SNED1: variants seen among roughly 807,000 people sequenced by gnomAD.
The protein encoded by SNED1 is sushi, nidogen and EGF like domains 1, also known as sushi, nidogen and EGF-like domain-containing protein 1.
A neutral mutation model predicts 166.7 loss-of-function variants in SNED1; 81 were observed. The ratio of observed to expected loss-of-function variants is 0.49; its 90% CI spans 0.41 to 0.58. SNED1 has a LOEUF of 0.58. SNED1 is among the 20% of genes least tolerant of loss of function. SNED1 has a pLI of 0.00. For missense variants in SNED1, 1,604 were observed against 2,000.2 expected (o/e 0.80, Z 3.78); for synonymous variants, 762 against 822.0 (o/e 0.93, Z 1.25).
intron 26 of SNED1, chr2:241,072,346 G>T (rs73010041): frequency 7.8e-6 from 3 of 386,076 alleles, no homozygotes; most frequent in South Asian, 1.9e-5. Context: ...CAGGTGCCTT[G>T]GGCCCTTCCC....
Position 241,010,903 on chromosome 2 carries a change from G to A in SNED1, c.213+11853G>A, listed in dbSNP as rs376844081. 5.3e-5 allele frequency among the ~76,000 whole-genome samples: 8 copies of A among 152,308 alleles called. No homozygotes were observed. In the East Asian group the frequency reaches 5.8e-4, roughly 11 times the overall value. On this transcript the variant is annotated intron_variant, in intron 1 of 31. Transcript: ENST00000310397. ...TGGGCTTCAGGCTGCAGGCAGAGCC[G>A]GGACCCCAAAGGAGACCAGACGGTG...
chr2:241,049,754 C>A, intron 11 of SNED1, 63 bp from the exon 12 acceptor site: 1 of 1,317,220 alleles, frequency 7.6e-7, no homozygotes. Flanking sequence ...TGCCCGCCAG[C>A]CTCTTGCCGC....
intron 8 of SNED1, among the ~76,000 whole-genome samples, chr2:241,047,034 T>G (rs1008507567): frequency 2.0e-5 from 3 of 150,656 alleles, no homozygotes; most frequent in Non-Finnish European, 4.4e-5. Flanking sequence ...TCCCAGCTAC[T>G]CGGGAAGCTG....
Position 241,067,939 on chromosome 2 carries a change from C to A in SNED1, c.3186C>A (p.Phe1062Leu). The A allele has an allele frequency of 6.2e-7, 1 of 1,609,176 alleles. No homozygotes were observed. The highest frequency in any genetic ancestry group is 1.3e-5 in the African/African-American group (1 of 74,884). Residue 1062 changes from phenylalanine to leucine, a missense_variant, in exon 22 of 32, where the codon TTC (phenylalanine) becomes TTA (leucine). Phe to Leu is a conservative substitution (Grantham distance 22). Transcript: ENST00000310397. ...ATGTGGACAGGAGTGTGGACAGGTT[C>A]ACCTTTAGGTAAGAAGGGACACCCA... ...ATDVDRSVDR[F>L]TFRALLPGKR...
At chr2:241,053,641 A>G (rs2061949175) in intron 16 of SNED1, among the ~76,000 whole-genome samples, 1 of 152,234 alleles carries the variant, frequency 6.6e-6, no homozygotes, top group Non-Finnish European at 1.5e-5. Context: ...CCAGGGGCAG[A>G]GTCCTAAAGA....
Position 241,091,674 on chromosome 2 carries a change from C to G in SNED1, c.*38C>G, listed in dbSNP as rs531994749. 1 of 152,230 alleles carries G rather than the reference C, an allele frequency of 6.6e-6. No individual in the cohort carries two copies. Among genetic ancestry groups the G allele is most frequent in the African/African-American group, 2.4e-5 (1 of 41,440 alleles). The allele number at this position is 152,230 out of a possible 1,614,324, so 9.4% of individuals were successfully genotyped here. On this transcript the variant is annotated 3_prime_UTR_variant, in exon 32 of 32. Coordinates refer to ENST00000310397, the MANE Select transcript of SNED1 (RefSeq NM_001080437.3). This position sits in a 1 kb window ranked among gnomAD's most constrained non-coding sequence, Gnocchi z 4.1. The stretch of plus-strand genomic sequence containing the variant: ...TTCTTGTTACACTCCACCAACCTCA[C>G]GAGTTTCTAACACCCAGGAAGATGA...
At chr2:241,053,019 C>T (rs2061927763) in intron 15 of SNED1, 134 bp from the exon 16 acceptor site, 1 of 818,674 alleles carries the variant, frequency 1.2e-6, no homozygotes, top group Non-Finnish European at 1.9e-6. Context: ...GAAGTCGAGG[C>T]ACCTTTCCCC....
intron 29 of SNED1, among the ~76,000 whole-genome samples, chr2:241,082,763 A>G (rs1361192590): frequency 1.3e-5 from 2 of 152,218 alleles, no homozygotes. Flanking sequence ...CCATTAACTC[A>G]TGATGTGGCC....
intron 28 of SNED1, 42 bp downstream of exon 28, chr2:241,081,835 C>A: frequency 2.1e-6 from 3 of 1,426,016 alleles, no homozygotes; most frequent in Non-Finnish European, 1.9e-6. Flanking sequence ...TCCAACACAG[C>A]CTGTGCCTCA....
rs2062864866 is a variant in SNED1, at chr2:241,073,707, AC to A, written c.3916+347del. 2.3e-6 allele frequency: 1 copy of A among 437,712 alleles called. No individual in the cohort carries two copies. Among genetic ancestry groups the A allele is most frequent in the Admixed American group, 3.8e-5 (1 of 26,278 alleles). The allele number at this position is 437,712 out of a possible 1,614,324, so 27.1% of individuals were successfully genotyped here. A position where few individuals can be genotyped will look rare whatever the true frequency, so the allele number is the denominator to read the frequency against. On this transcript the variant is annotated intron_variant, in intron 27 of 31. Coordinates refer to ENST00000310397, the MANE Select transcript of SNED1 (RefSeq NM_001080437.3). This position sits in a 1 kb window ranked among gnomAD's most constrained non-coding sequence, Gnocchi z 6.6. The stretch of plus-strand genomic sequence containing the variant: ...CCCAGCCCCTGCCTCTGGGCCCCTC[AC>A]CCCTCACTTCTCCAAAGAGGAGCAG...
intron 6 of SNED1, 119 bp from the exon 7 acceptor site, chr2:241,039,956 G>C (rs1292817377): frequency 2.5e-6 from 2 of 791,956 alleles, no homozygotes; most frequent in African/African-American, 3.5e-5. Context: ...CTGCCTGCCA[G>C]GCCCCCCTGC....
At chr2:241,071,268 C>A (rs909893099) in intron 24 of SNED1, 5 of 465,498 alleles carry the variant, frequency 1.1e-5, no homozygotes, top group African/African-American at 9.7e-5. Flanking sequence ...GAGTGCCCAG[C>A]CCCTTGAGAA....
At chr2:241,057,309 G>C (rs986386779) in intron 16 of SNED1, among the ~76,000 whole-genome samples, 2 of 150,618 alleles carry the variant, frequency 1.3e-5, no homozygotes, top group African/African-American at 4.9e-5. Context: ...AACCTCGGAG[G>C]CGGAGGTTGC....
chr2:241,009,843 C>T (rs2060333238), intron 1 of SNED1, among the ~76,000 whole-genome samples: 1 of 152,238 alleles, frequency 6.6e-6, no homozygotes, highest in South Asian at 2.1e-4. Flanking sequence ...TCCCCGGAGG[C>T]CTAGCCCAGT....
intron 26 of SNED1, 62 bp downstream of exon 26, chr2:241,071,940 AC>A: frequency 7.5e-7 from 1 of 1,335,850 alleles, no homozygotes; most frequent in Non-Finnish European, 1.1e-6. Flanking sequence ...TGCCACTCTC[AC>A]CAGGTCCTGT....
chr2:241,036,378 C>G (rs1157235064), intron 4 of SNED1, among the ~76,000 whole-genome samples: 1 of 152,076 alleles, frequency 6.6e-6, no homozygotes, highest in Non-Finnish European at 1.5e-5. Flanking sequence ...GCCACACCCC[C>G]TGCGTGGCCC....
In SNED1 at chr2:240,999,574, G is replaced by C. The variant is rs183231346; in HGVS notation, c.213+524G>C. Among the ~76,000 whole-genome samples the C allele has an allele frequency of 3.3e-3, 497 of 152,326 alleles. 6 individuals carry two copies. The highest frequency in any genetic ancestry group is 4.0e-3 in the Non-Finnish European group (272 of 68,012). On this transcript the variant is annotated intron_variant, in intron 1 of 31. Transcript: ENST00000310397. This position sits in a 1 kb window ranked among gnomAD's most constrained non-coding sequence, Gnocchi z 5.8. ...TCAGGGCAGGGCCTGCTTCTTCGCT[G>C]ACCCTCCTAGGCGGGCTAGCAACAG...
chr2:241,014,649 C>T (rs1465328259), intron 1 of SNED1, among the ~76,000 whole-genome samples: 2 of 152,102 alleles, frequency 1.3e-5, no homozygotes, highest in African/African-American at 2.4e-5. Flanking sequence ...TTGGTAACAC[C>T]AGGTCATAGG....
Position 241,094,501 on chromosome 2 carries a change from A to C in SNED1, c.*2865A>C, listed in dbSNP as rs751680478. 12 of 443,642 alleles carry C rather than the reference A, an allele frequency of 2.7e-5. No homozygotes were observed. Among genetic ancestry groups the C allele is most frequent in the Non-Finnish European group, 4.7e-5 (10 of 213,434 alleles). 27.5% of individuals were successfully genotyped at this position (443,642 alleles called of 1,614,324 possible). A position where few individuals can be genotyped will look rare whatever the true frequency, so the allele number is the denominator to read the frequency against. On this transcript the variant is annotated 3_prime_UTR_variant, in exon 32 of 32. Coordinates refer to ENST00000310397, the MANE Select transcript of SNED1 (RefSeq NM_001080437.3). The surrounding 1 kb of genome is among the most constrained non-coding windows in gnomAD (Gnocchi z 4.3). ...CAATTGCATGCAGCTCACACCTACC[A>C]GGGGTATTCCAGTGCATAGGGGAAA...
Sources: gnomAD v4.1 joint callset for allele counts (sites outside exome capture counted in the v4.1 genomes callset) on GRCh38, gnomAD v4.1.1 for gene constraint, Gnocchi (gnomAD v3.1) non-coding constraint, MANE v1.5 for transcripts, NCBI Gene and HGNC (gene_info 2026-07-23, HGNC 2026-07-21) for gene names.